The following NPC2 variants were observed in gnomAD, a reference collection of about 807,000 sequenced individuals.
NPC2 encodes the protein Niemann-Pick disease type C2 protein.
A neutral mutation model predicts 17.0 loss-of-function variants in NPC2; 14 were observed. The ratio of observed to expected loss-of-function variants is 0.82; its 90% CI spans 0.54 to 1.29. NPC2 has a LOEUF of 1.29. Ranked by LOEUF, NPC2 falls within the 50% of genes most tolerant of loss-of-function variation. The pLI is 0.00. For missense variants in NPC2, 167 were observed against 183.4 expected (o/e 0.91, Z 0.52); for synonymous variants, 75 against 69.3 (o/e 1.08, Z -0.41).
rs543496680 is a variant in NPC2 at position 74,492,767 on chromosome 14, T to C, written c.82+426A>G. ...AATGATGAAAAAGGGGAATTGACTT[T>C]TGACTTGTCAGCAAAAACGAAATTA... On this transcript the variant is annotated intron_variant, in intron 1 of 4. Coordinates refer to ENST00000555619, the MANE Select transcript of NPC2 (RefSeq NM_006432.5). 5.3e-5 allele frequency among the ~76,000 whole-genome samples: 8 copies of C among 152,330 alleles called. No homozygotes were observed. The South Asian group carries it at 1.4e-3, about 28-fold the overall frequency.
chr14:74,484,778 A>AC (rs2086692455), intron 2 of NPC2, among the ~76,000 whole-genome samples, 191 bp from the exon 3 acceptor site: 1 of 151,252 alleles, frequency 6.6e-6, no homozygotes, highest in Non-Finnish European at 1.5e-5. Flanking sequence ...AAAAAAAAAA[A>AC]CAATCAGCAG....
chr14:74,487,444 T>C (rs971825164), intron 1 of NPC2, among the ~76,000 whole-genome samples: 28 of 151,926 alleles, frequency 1.8e-4, no homozygotes, highest in South Asian at 4.2e-4. Context: ...AATTTTTGTG[T>C]TTTGTAGAGA....
At chr14:74,489,315 G>C (rs1412380723) in intron 1 of NPC2, among the ~76,000 whole-genome samples, 1 of 152,192 alleles carries the variant, frequency 6.6e-6, no homozygotes, top group Non-Finnish European at 1.5e-5. Context: ...AAAACATAAG[G>C]ATGAGACCTA....
chr14:74,483,641 A>G (rs1053608345), intron 3 of NPC2, among the ~76,000 whole-genome samples: 1 of 152,238 alleles, frequency 6.6e-6, no homozygotes, highest in Non-Finnish European at 1.5e-5. Flanking sequence ...TTATGTGAAG[A>G]ATTTAGATCT....
At chr14:74,492,539 A>G (rs539088409) in intron 1 of NPC2, among the ~76,000 whole-genome samples, 2 of 152,304 alleles carry the variant, frequency 1.3e-5, no homozygotes, top group Admixed American at 6.5e-5. Context: ...TTCTGTTCCG[A>G]CAATTCTATA....
rs932993183 is a variant in NPC2 at position 74,493,138 on chromosome 14, T to A, written c.82+55A>T. The A allele has an allele frequency of 7.1e-6, 11 of 1,560,144 alleles. 1 individual carries two copies. In the South Asian group the frequency reaches 1.2e-4, roughly 17 times the overall value. On this transcript the variant is annotated intron_variant, in intron 1 of 4. Coordinates refer to ENST00000555619, the MANE Select transcript of NPC2 (RefSeq NM_006432.5). The surrounding 1 kb of genome is among the most constrained non-coding windows in gnomAD (Gnocchi z 4.1). ...AGCCCCAGGGGTCTCAGCGCGGGGG[T>A]CCGGCGGGGCCTTCCACAGAGGGCG...
intron 1 of NPC2, among the ~76,000 whole-genome samples, chr14:74,489,565 T>C (rs996965149): frequency 6.6e-6 from 1 of 152,186 alleles, no homozygotes; most frequent in Non-Finnish European, 1.5e-5. Context: ...TGTGTGTGTA[T>C]GTATGTATTT....
chr14:74,485,555 G>T (rs375986127), intron 2 of NPC2, among the ~76,000 whole-genome samples: 1 of 141,730 alleles, frequency 7.1e-6, no homozygotes, highest in Non-Finnish European at 1.5e-5. Context: ...GAGAGGCCAG[G>T]GTATAGTCCA....
chr14:74,480,737 G>A lies in NPC2; in HGVS notation c.406C>T (p.Gln136Ter). The A allele has an allele frequency of 3.1e-6, 5 of 1,614,034 alleles. No homozygotes were observed. The highest frequency in any genetic ancestry group is 4.2e-6 in the Non-Finnish European group (5 of 1,179,952). ...GGGATTTCCCAGCAGAAGAGACTTTGGTTTTTGTCATCCTGAAGTTGCCAC... is the reference window on the plus strand; with the variant it reads ...GGGATTTCCCAGCAGAAGAGACTTTAGTTTTTGTCATCCTGAAGTTGCCAC... ...VEWQLQDDKNQSLFCWEIPVQ... is the reference protein window; with the variant it reads ...VEWQLQDDKN The change falls in exon 4 of 5, where the codon CAA (glutamine) becomes TAA (stop). Residue 136 changes from glutamine (Q) to a stop codon, truncating the protein, a stop_gained. Transcript: ENST00000555619. LOFTEE classifies it high-confidence loss of function.
rs770729278 is a variant in NPC2, at chr14:74,486,322, T to TA, written c.190+6dup. The TA allele has an allele frequency of 1.9e-6, 3 of 1,581,672 alleles. No individual in the cohort carries two copies. The highest frequency in any genetic ancestry group is 2.6e-6 in the Non-Finnish European group (3 of 1,162,052). The stretch of plus-strand genomic sequence containing the variant: ...ATGAATTTGAGTTAAGAGCCACTTT[T>TA]ACGCACTGCTGGTGAAGGTGACATT... On this transcript the variant is annotated splice_region_variant and intron_variant, in intron 2 of 4. Coordinates refer to ENST00000555619, the MANE Select transcript of NPC2 (RefSeq NM_006432.5).
intron 2 of NPC2, 80 bp from the exon 3 acceptor site, chr14:74,484,667 C>A: frequency 7.2e-7 from 1 of 1,385,892 alleles, no homozygotes; most frequent in East Asian, 2.8e-5. Flanking sequence ...GAAATAATCC[C>A]AAGCAACAGC....
intron 1 of NPC2, among the ~76,000 whole-genome samples, chr14:74,489,842 G>A (rs1039620913): frequency 6.6e-6 from 1 of 152,238 alleles, no homozygotes; most frequent in South Asian, 2.1e-4. Context: ...TTACTGTATA[G>A]CCTCAAGGCA....
chr14:74,480,834 CA>C, intron 3 of NPC2, 55 bp from the exon 4 acceptor site: 1 of 1,427,754 alleles, frequency 7.0e-7, no homozygotes, highest in Non-Finnish European at 9.9e-7. Context: ...GACTTCTATC[CA>C]TAATTGGTTT....
chr14:74,493,493 A>G, upstream of NPC2: 1 of 1,080,644 alleles, frequency 9.3e-7, no homozygotes, highest in Non-Finnish European at 1.3e-6. This position sits in a 1 kb window ranked among gnomAD's most constrained non-coding sequence, Gnocchi z 4.1. Flanking sequence ...ATCCCCTCAG[A>G]GGCCTGACCC....
Position 74,480,729 on chromosome 14 carries a change from G to T in NPC2, c.414C>A (p.Leu138=), listed in dbSNP as rs1323196897. ...TCTGTACTGGGATTTCCCAGCAGAAGAGACTTTGGTTTTTGTCATCCTGAA... is the reference window on the plus strand; with the variant it reads ...TCTGTACTGGGATTTCCCAGCAGAATAGACTTTGGTTTTTGTCATCCTGAA... ...WQLQDDKNQS[L]FCWEIPVQIV... The change falls in exon 4 of 5, where the codon CTC becomes CTA. Residue 138 remains leucine (L), a synonymous_variant. Coordinates refer to ENST00000555619, the MANE Select transcript of NPC2 (RefSeq NM_006432.5). 2.5e-6 allele frequency: 4 copies of T among 1,614,150 alleles called. No homozygotes were observed. The East Asian group carries it at 6.7e-5, about 27-fold the overall frequency.
Position 74,484,433 on chromosome 14 carries a change from C to T in NPC2, c.345G>A (p.Val115=). The T allele has an allele frequency of 1.9e-6, 3 of 1,614,140 alleles. No homozygotes were observed. The highest frequency in any genetic ancestry group is 2.5e-6 in the Non-Finnish European group (3 of 1,180,028). The change falls in exon 3 of 5, where the codon GTG becomes GTA. Residue 115 remains valine, a synonymous_variant. Transcript: ENST00000555619. ...CACTTACAGAGGGATATTCGCTTTT[C>T]ACTGGTAGTTTATTCAGGTAGCTAT... ...KTYSYLNKLP[V]KSEYPSIKLV...
At chr14:74,485,714 T>C (rs1481827439) in intron 2 of NPC2, among the ~76,000 whole-genome samples, 3 of 152,196 alleles carry the variant, frequency 2.0e-5, no homozygotes, top group Non-Finnish European at 4.4e-5. Flanking sequence ...CCCTGCTTAG[T>C]AATAAAAGAT....
At chr14:74,493,353 C>T, upstream of NPC2, 1 of 1,562,670 alleles carries the variant, frequency 6.4e-7, no homozygotes, top group Non-Finnish European at 8.7e-7. The surrounding 1 kb of genome is among the most constrained non-coding windows in gnomAD (Gnocchi z 4.1). Context: ...GGGGCGGGCC[C>T]GGGGAGGAGC....
Position 74,493,178 on chromosome 14 carries a change from G to A in NPC2, c.82+15C>T, listed in dbSNP as rs1261259335. The A allele has an allele frequency of 1.9e-6, 3 of 1,601,082 alleles. No homozygotes were observed. The highest frequency in any genetic ancestry group is 2.6e-6 in the Non-Finnish European group (3 of 1,175,044). Reference sequence around the variant, plus strand: ...CACAGAGGGCGCGGGAACCTTGGGCGGGCCTGGGGCTCACCGCAGTCCTTG... The same window carrying A: ...CACAGAGGGCGCGGGAACCTTGGGCAGGCCTGGGGCTCACCGCAGTCCTTG... On this transcript the variant is annotated intron_variant, in intron 1 of 4. Coordinates refer to ENST00000555619, the MANE Select transcript of NPC2 (RefSeq NM_006432.5). The surrounding 1 kb of genome is among the most constrained non-coding windows in gnomAD (Gnocchi z 4.1).
Sources: gnomAD v4.1 joint callset for allele counts (sites outside exome capture counted in the v4.1 genomes callset) on GRCh38, gnomAD v4.1.1 for gene constraint, Gnocchi (gnomAD v3.1) non-coding constraint, MANE v1.5 for transcripts, NCBI Gene and HGNC (gene_info 2026-07-23, HGNC 2026-07-21) for gene names.